Variants in SH3TC1 observed in about 807,000 individuals in gnomAD.
SH3TC1 encodes SH3 domain and tetratricopeptide repeats 1.
In SH3TC1, 135 loss-of-function variants were observed where a neutral mutation model predicts 117.3. The ratio of observed to expected loss-of-function variants is 1.15; its 90% CI spans 1.00 to 1.33. The LOEUF (loss-of-function observed/expected upper bound fraction) is 1.33, where lower values mean the gene tolerates loss of function less well. Ranked by LOEUF, SH3TC1 falls within the 40% of genes most tolerant of loss-of-function variation. The pLI is 0.00. For synonymous variants in SH3TC1, 898 were observed against 816.9 expected (o/e 1.10, Z -1.69); for missense variants, 2,092 against 1,794.3 (o/e 1.17, Z -3.00).
rs759682756 is a variant in SH3TC1 at position 8,233,462 on chromosome 4, G to C, written c.3231G>C (p.Gly1077=). The change falls in exon 14 of 18, where the codon GGG becomes GGC. Residue 1077 remains glycine (G), a synonymous_variant. Transcript: ENST00000245105. ...EKEAHAWLQA[G]KIYYILRQSE... Reference sequence around the variant, plus strand: ...AGGCGCATGCCTGGCTGCAAGCAGGGAAGATCTATTACATCTTGCGGCAGA... The same window carrying C: ...AGGCGCATGCCTGGCTGCAAGCAGGCAAGATCTATTACATCTTGCGGCAGA... 6.8e-6 allele frequency: 11 copies of C among 1,613,776 alleles called. No individual in the cohort carries two copies. Among genetic ancestry groups the C allele is most frequent in the Admixed American group, 6.7e-5 (4 of 59,970 alleles).
chr4:8,226,835 G>A, intron 11 of SH3TC1, 145 bp from the exon 12 acceptor site: 1 of 508,536 alleles, frequency 2.0e-6, no homozygotes. Flanking sequence ...AATTCTCAAG[G>A]GCTCATGGCA....
chr4:8,213,109 C>T (rs1718899583), intron 4 of SH3TC1: 1 of 469,310 alleles, frequency 2.1e-6, no homozygotes, highest in East Asian at 3.9e-5. Flanking sequence ...ACCTGCCCTC[C>T]ACCCACAAGG....
chr4:8,233,650 C>T, intron 14 of SH3TC1, 137 bp downstream of exon 14: 1 of 1,097,530 alleles, frequency 9.1e-7, no homozygotes, highest in Non-Finnish European at 1.2e-6. Flanking sequence ...ATCCATCCAT[C>T]CTTCCATCAT....
chr4:8,226,007 G>A (rs1288783383), intron 11 of SH3TC1, among the ~76,000 whole-genome samples: 2 of 152,154 alleles, frequency 1.3e-5, no homozygotes, highest in African/African-American at 2.4e-5. Context: ...AGATTTCTTA[G>A]CTAATCTAGT....
intron 15 of SH3TC1, 74 bp from the exon 16 acceptor site, chr4:8,236,202 CAT>C (rs968354058): frequency 1.0e-5 from 15 of 1,451,346 alleles, no homozygotes; most frequent in African/African-American, 7.2e-5. Flanking sequence ...GCTCCGAGCA[CAT>C]GTTTGAGCTC....
intron 12 of SH3TC1, among the ~76,000 whole-genome samples, chr4:8,229,808 G>A (rs116563332): frequency 9.1e-4 from 139 of 152,236 alleles, no homozygotes; most frequent in African/African-American, 3.0e-3. Context: ...AGCCTCCGGT[G>A]GGTCCTGGCA....
chr4:8,222,986 G>A lies in SH3TC1; in HGVS notation c.1243+16G>A. The stretch of plus-strand genomic sequence containing the variant: ...TACAGCCTGGGTGCGTGTGGGCGAT[G>A]CCTGTGGTGGGGCCACTGCCCTCCC... On this transcript the variant is annotated intron_variant, in intron 10 of 17. Transcript: ENST00000245105. 1 of 1,602,784 alleles carries A rather than the reference G, an allele frequency of 6.2e-7. No individual in the cohort carries two copies. Among genetic ancestry groups the A allele is most frequent in the Non-Finnish European group, 8.5e-7 (1 of 1,172,338 alleles).
At chr4:8,214,426 G>T in intron 4 of SH3TC1, 49 bp from the exon 5 acceptor site, 1 of 1,540,198 alleles carries the variant, frequency 6.5e-7, no homozygotes, top group South Asian at 1.1e-5. Context: ...CCTGACAGAT[G>T]CCCCAGAGCT....
intron 15 of SH3TC1, 188 bp from the exon 16 acceptor site, chr4:8,236,090 G>GTGTAGGCCCATC (rs1721787101): frequency 5.8e-6 from 4 of 693,318 alleles, no homozygotes; most frequent in Non-Finnish European, 9.0e-6. Flanking sequence ...TAGCTGGATG[G>GTGTAGGCCCATC]GCCTCAGGTG....
rs763559363 is a variant in SH3TC1, at chr4:8,219,426, G to A, written c.1008G>A (p.Gly336=). Reference sequence around the variant, plus strand: ...GTGGCGACCTCATCGAGATCCTTGGGGCGCAGGTGCCCAGCCTGCCCTGGT... The same window carrying A: ...GTGGCGACCTCATCGAGATCCTTGGAGCGCAGGTGCCCAGCCTGCCCTGGT... ...FRGGDLIEIL[G]AQVPSLPWCV... Residue 336 remains glycine, a synonymous_variant, in exon 9 of 18, where the codon GGG becomes GGA. Transcript: ENST00000245105. 1.7e-5 allele frequency: 27 copies of A among 1,611,466 alleles called. No homozygotes were observed. Among genetic ancestry groups the A allele is most frequent in the Non-Finnish European group, 2.2e-5 (26 of 1,178,880 alleles).
rs1264339738 is a variant in SH3TC1, at chr4:8,225,304, G to A, written c.1285+88G>A. The stretch of plus-strand genomic sequence containing the variant: ...GGGAGGTGACAAAGCTGAGCACGGT[G>A]GGCATTGGGTGCGGCTGTCACCCCT... On this transcript the variant is annotated intron_variant, in intron 11 of 17. Coordinates refer to ENST00000245105, the MANE Select transcript of SH3TC1 (RefSeq NM_018986.5). This position sits in a 1 kb window ranked among gnomAD's most constrained non-coding sequence, Gnocchi z 5.5. The A allele has an allele frequency of 7.6e-6, 11 of 1,453,084 alleles. No homozygotes were observed. Among genetic ancestry groups the A allele is most frequent in the East Asian group, 4.8e-5 (2 of 41,468 alleles). 90.0% of individuals were successfully genotyped at this position (1,453,084 alleles called of 1,614,324 possible).
intron 16 of SH3TC1, 57 bp from the exon 17 acceptor site, chr4:8,237,417 G>T: frequency 1.5e-6 from 2 of 1,353,420 alleles, no homozygotes; most frequent in Non-Finnish European, 1.9e-6. Flanking sequence ...GCCGGGGTCT[G>T]CATGCCTGCC....
At chr4:8,191,912 C>T (rs1459932949) in intron 1 of SH3TC1, among the ~76,000 whole-genome samples, 2 of 152,098 alleles carry the variant, frequency 1.3e-5, no homozygotes, top group African/African-American at 4.8e-5. Flanking sequence ...GAGCTGGGGT[C>T]CGGCCGGGCT....
At chr4:8,195,794 G>A (rs1346287653), upstream of SH3TC1, among the ~76,000 whole-genome samples, 3 of 152,242 alleles carry the variant, frequency 2.0e-5, no homozygotes, top group South Asian at 2.1e-4. Context: ...GGGGGCACCC[G>A]CTTTGAGTCT....
intron 17 of SH3TC1, 133 bp downstream of exon 17, chr4:8,237,803 C>A: frequency 1.0e-6 from 1 of 977,634 alleles, no homozygotes; most frequent in Non-Finnish European, 1.4e-6. Context: ...CTGCGCCCGG[C>A]TGGAGGAGCT....
chr4:8,203,009 G>T (rs1398175731), intron 1 of SH3TC1, among the ~76,000 whole-genome samples: 1 of 152,212 alleles, frequency 6.6e-6, no homozygotes, highest in Non-Finnish European at 1.5e-5. Context: ...AGCCATGGGG[G>T]CAGGGGTGAT....
rs555716261 is a variant in SH3TC1, at chr4:8,215,152, C to T, written c.481+572C>T. 14 of 456,322 alleles carry T rather than the reference C, an allele frequency of 3.1e-5. 2 individuals carry two copies. Among genetic ancestry groups the T allele is most frequent in the African/African-American group, 1.4e-4 (7 of 50,206 alleles). The allele number at this position is 456,322 out of a possible 1,614,324, so 28.3% of individuals were successfully genotyped here. On this transcript the variant is annotated intron_variant, in intron 5 of 17. Coordinates refer to ENST00000245105, the MANE Select transcript of SH3TC1 (RefSeq NM_018986.5). Reference sequence around the variant, plus strand: ...TCTAGTTGCCTTCACACTCTGCCCTCTGTAATTTCACTCAACCAGAACTTG... The same window carrying T: ...TCTAGTTGCCTTCACACTCTGCCCTTTGTAATTTCACTCAACCAGAACTTG...
chr4:8,217,309 C>A, intron 7 of SH3TC1, 142 bp downstream of exon 7: 2 of 1,077,120 alleles, frequency 1.9e-6, no homozygotes, highest in Non-Finnish European at 2.7e-6. Context: ...TGCTGCTTCC[C>A]AGCTGTGTGG....
At chr4:8,240,055 TC>T (rs974180119) in intron 17 of SH3TC1, among the ~76,000 whole-genome samples, 3 of 151,668 alleles carry the variant, frequency 2.0e-5, no homozygotes, top group Non-Finnish European at 4.4e-5. Context: ...CTTAGAGAGG[TC>T]CCTTGGGTGA....
Sources: allele counts gnomAD v4.1 joint callset (sites outside exome capture counted in the v4.1 genomes callset), GRCh38; gene constraint gnomAD v4.1.1; non-coding constraint Gnocchi (gnomAD v3.1); transcripts MANE v1.5; gene names NCBI Gene and HGNC (gene_info 2026-07-23, HGNC 2026-07-21).